Variants in ABI1 observed in about 807,000 individuals in gnomAD.
The protein encoded by ABI1 is abl interactor 1.
A neutral mutation model predicts 54.6 loss-of-function variants in ABI1; 14 were observed. The ratio of observed to expected loss-of-function variants is 0.26; its 90% CI spans 0.17 to 0.40. The LOEUF (loss-of-function observed/expected upper bound fraction) is 0.40. Among genes scored for constraint, ABI1 ranks in the 10% least tolerant of loss-of-function variants. ABI1 has a pLI of 1.00. For synonymous variants in ABI1, 194 were observed against 209.3 expected (o/e 0.93, Z 0.63); for missense variants, 443 against 598.3 (o/e 0.74, Z 2.71).
intron 1 of ABI1, among the ~76,000 whole-genome samples, chr10:26,838,942 T>A (rs1280809886): frequency 6.6e-6 from 1 of 152,200 alleles, no homozygotes; most frequent in African/African-American, 2.4e-5. Flanking sequence ...ATAATTCTAA[T>A]GTGGCCTCTA....
intron 1 of ABI1, among the ~76,000 whole-genome samples, chr10:26,845,057 G>A (rs2049870929): frequency 6.6e-6 from 1 of 151,896 alleles, no homozygotes; most frequent in Admixed American, 6.6e-5. Context: ...GATAATAGCA[G>A]TATGGGGAGA....
At chr10:26,760,682 G>T (rs1260841396) in intron 7 of ABI1, among the ~76,000 whole-genome samples, 2 of 152,054 alleles carry the variant, frequency 1.3e-5, no homozygotes, top group African/African-American at 4.8e-5. Flanking sequence ...CTGAGGTCAG[G>T]AGTTTGAGAC....
At chr10:26,851,810 T>C (rs535885086) in intron 1 of ABI1, among the ~76,000 whole-genome samples, 7 of 152,168 alleles carry the variant, frequency 4.6e-5, no homozygotes, top group South Asian at 2.1e-4. Flanking sequence ...AGGTCTTATA[T>C]GATGAAGTCT....
chr10:26,818,631 CAAA>C (rs376157276), intron 2 of ABI1, among the ~76,000 whole-genome samples: 3 of 73,088 alleles, frequency 4.1e-5, no homozygotes, highest in African/African-American at 5.5e-5. Flanking sequence ...GACCCCGTCA[CAAA>C]AAAAAAAAAA....
intron 2 of ABI1, among the ~76,000 whole-genome samples, chr10:26,822,762 T>C (rs1345187661): frequency 6.6e-6 from 1 of 152,194 alleles, no homozygotes; most frequent in Non-Finnish European, 1.5e-5. Context: ...GTTCATTATC[T>C]TGAATGTGTT....
intron 1 of ABI1, among the ~76,000 whole-genome samples, chr10:26,835,775 A>ATTTTTTTTTTTTT (rs201793179): frequency 8.9e-6 from 1 of 112,518 alleles, no homozygotes. Flanking sequence ...ATTTTTACTA[A>ATTTTTTTTTTTTT]TATTTTTTTT....
At chr10:26,758,088 A>C (rs1018365796) in intron 8 of ABI1, among the ~76,000 whole-genome samples, 1 of 151,506 alleles carries the variant, frequency 6.6e-6, no homozygotes, top group African/African-American at 2.4e-5. Flanking sequence ...AAAAAAAAAA[A>C]AAAAAACTTT....
Position 26,748,504 on chromosome 10 carries a change from T to G in ABI1, c.*66A>C. 8.1e-7 allele frequency: 1 copy of G among 1,232,780 alleles called. No individual in the cohort carries two copies. The highest frequency in any genetic ancestry group is 1.1e-6 in the Non-Finnish European group (1 of 892,774). 76.4% of individuals were successfully genotyped at this position (1,232,780 alleles called of 1,614,324 possible). On this transcript the variant is annotated 3_prime_UTR_variant, in exon 11 of 11. Transcript: ENST00000376140. The stretch of plus-strand genomic sequence containing the variant: ...ATTTTAAAACATATTAAGACAGTTC[T>G]GTTAACCATAATAGTCCCACAGTAT...
chr10:26,827,589 G>GTT (rs1289738512), intron 1 of ABI1, among the ~76,000 whole-genome samples: 1 of 63,890 alleles, frequency 1.6e-5, no homozygotes, highest in Non-Finnish European at 3.6e-5. Flanking sequence ...TTCACTTTCT[G>GTT]TTTTTTGTTT....
chr10:26,831,878 C>A (rs2048700325), intron 1 of ABI1, among the ~76,000 whole-genome samples: 1 of 152,186 alleles, frequency 6.6e-6, no homozygotes, highest in African/African-American at 2.4e-5. Context: ...TAACGTTGCA[C>A]AGCTATTTCC....
intron 2 of ABI1, among the ~76,000 whole-genome samples, chr10:26,786,282 C>T (rs556058639): frequency 1.3e-5 from 2 of 150,798 alleles, no homozygotes; most frequent in Non-Finnish European, 2.9e-5. Context: ...GGTGCGATCT[C>T]GGCTCACTGC....
chr10:26,776,156 G>A (rs1405725219), intron 3 of ABI1, among the ~76,000 whole-genome samples: 1 of 152,152 alleles, frequency 6.6e-6, no homozygotes. Flanking sequence ...CATAAAAAGT[G>A]AAGAGGAGAT....
At chr10:26,833,769 T>TACACACACAC (rs61653104) in intron 1 of ABI1, among the ~76,000 whole-genome samples, 1,800 of 150,278 alleles carry the variant, frequency 0.012, 14 homozygotes, top group African/African-American at 0.023. Flanking sequence ...ACAATATTTA[T>TACACACACAC]ACACACACAC....
intron 1 of ABI1, among the ~76,000 whole-genome samples, chr10:26,831,617 T>C (rs1020773579): frequency 5.9e-5 from 9 of 152,228 alleles, no homozygotes. Context: ...AGATTGTTCA[T>C]AGCTGTTAAC....
intron 1 of ABI1, among the ~76,000 whole-genome samples, chr10:26,849,271 A>T (rs2050217113): frequency 6.6e-6 from 1 of 152,200 alleles, no homozygotes; most frequent in Non-Finnish European, 1.5e-5. Context: ...GTCACAGACG[A>T]TACTAGTACT....
chr10:26,840,095 A>G (rs2049386723), intron 1 of ABI1, among the ~76,000 whole-genome samples: 1 of 152,190 alleles, frequency 6.6e-6, no homozygotes, highest in Admixed American at 6.5e-5. Flanking sequence ...GCTGTAGTTT[A>G]GATGTTTGTC....
Position 26,859,789 on chromosome 10 carries a change from C to A in ABI1, c.117+958G>T, listed in dbSNP as rs568176841. On this transcript the variant is annotated intron_variant, in intron 1 of 10. Coordinates refer to ENST00000376140, the MANE Select transcript of ABI1 (RefSeq NM_001012750.3). ...TTTACTTAGCTTGTTAAGAGAGAAA[C>A]CTCAGAAAATAAGCAACCGGCGATG... Among the ~76,000 whole-genome samples the A allele has an allele frequency of 3.9e-4, 59 of 152,242 alleles. 1 individual carries two copies. The South Asian group carries it at 6.6e-3, about 17-fold the overall frequency.
chr10:26,806,250 C>A (rs2046869603), intron 2 of ABI1, among the ~76,000 whole-genome samples: 1 of 152,168 alleles, frequency 6.6e-6, no homozygotes, highest in Admixed American at 6.6e-5. Context: ...TTCTCACCAC[C>A]AGGCTTCTGG....
At chr10:26,796,617 T>C (rs1169512865) in intron 2 of ABI1, among the ~76,000 whole-genome samples, 1 of 152,246 alleles carries the variant, frequency 6.6e-6, no homozygotes, top group Non-Finnish European at 1.5e-5. Flanking sequence ...TAAGCAAGCA[T>C]GACTGTATTA....
Sources: allele counts gnomAD v4.1 joint callset (sites outside exome capture counted in the v4.1 genomes callset), GRCh38; gene constraint gnomAD v4.1.1; transcripts MANE v1.5; gene names NCBI Gene and HGNC (gene_info 2026-07-23, HGNC 2026-07-21).